The following RBM47 variants were observed in gnomAD, a reference collection of about 807,000 sequenced individuals.
The protein encoded by RBM47 is RNA binding motif protein 47.
RBM47 carries 21 observed loss-of-function variants against 47.1 expected under a neutral mutation model. The observed-to-expected ratio is 0.45, with a 90% confidence interval of 0.32 to 0.64. The LOEUF (loss-of-function observed/expected upper bound fraction) is 0.64, where lower values mean the gene tolerates loss of function less well. Among genes scored for constraint, RBM47 ranks in the 30% least tolerant of loss-of-function variants. The pLI is 0.05. For missense variants in RBM47, 708 were observed against 870.9 expected (o/e 0.81, Z 2.35); for synonymous variants, 375 against 361.7 (o/e 1.04, Z -0.42).
intron 1 of RBM47, among the ~76,000 whole-genome samples, chr4:40,613,735 T>C (rs56329579): frequency 0.014 from 2,053 of 152,004 alleles, 15 homozygotes; most frequent in Middle Eastern, 0.031. Flanking sequence ...GGCAGGAGGA[T>C]TGCTTGAACC....
At chr4:40,482,202 T>C (rs937815664) in intron 2 of RBM47, among the ~76,000 whole-genome samples, 3 of 152,328 alleles carry the variant, frequency 2.0e-5, no homozygotes, top group African/African-American at 7.2e-5. Context: ...TCAGAGTCCA[T>C]GGGGAAAGCT....
intron 1 of RBM47, among the ~76,000 whole-genome samples, chr4:40,596,412 T>TGTAGCCAGATTATTTAC (rs1239543057): frequency 1.3e-5 from 2 of 152,192 alleles, no homozygotes; most frequent in Non-Finnish European, 2.9e-5. Context: ...TTGCTCTTTC[T>TGTAGCCAGATTATTTAC]GTAGCCAGAT....
At chr4:40,566,865 G>C (rs1183606670) in intron 1 of RBM47, among the ~76,000 whole-genome samples, 1 of 151,698 alleles carries the variant, frequency 6.6e-6, no homozygotes, top group East Asian at 1.9e-4. Flanking sequence ...GTATGCCTTA[G>C]CCACTCTTTA....
chr4:40,458,943 G>A (rs745649099), intron 3 of RBM47, among the ~76,000 whole-genome samples: 17 of 152,114 alleles, frequency 1.1e-4, no homozygotes, highest in African/African-American at 2.4e-4. Context: ...AGGAACCTGC[G>A]TCATCCTGTG....
chr4:40,429,979 A>G (rs1278213688), intron 6 of RBM47, among the ~76,000 whole-genome samples: 3 of 151,868 alleles, frequency 2.0e-5, no homozygotes, highest in Non-Finnish European at 2.9e-5. Context: ...CGGATCATGA[A>G]GTCAGGAGAT....
At chr4:40,528,949 A>AAAAAT (rs1553896751) in intron 2 of RBM47, among the ~76,000 whole-genome samples, 51 of 88,652 alleles carry the variant, frequency 5.8e-4, no homozygotes, top group East Asian at 2.3e-3. Context: ...TCTCAAAAAA[A>AAAAAT]AAATAAATAA....
intron 1 of RBM47, among the ~76,000 whole-genome samples, chr4:40,564,127 C>T (rs754291241): frequency 2.0e-5 from 3 of 152,106 alleles, no homozygotes; most frequent in Non-Finnish European, 4.4e-5. Context: ...AAGCATAGAC[C>T]ACAGTCTAGC....
chr4:40,477,803 C>T (rs1466339794), intron 2 of RBM47, among the ~76,000 whole-genome samples: 4 of 152,008 alleles, frequency 2.6e-5, no homozygotes, highest in Non-Finnish European at 5.9e-5. Context: ...ATTTTTCCTG[C>T]CTTGGCTTTG....
At chr4:40,445,161 C>CTAGCTA (rs201367995) in intron 3 of RBM47, among the ~76,000 whole-genome samples, 1 of 151,602 alleles carries the variant, frequency 6.6e-6, no homozygotes. Flanking sequence ...GTAGTCCCAG[C>CTAGCTA]CACAGGGGAG....
intron 3 of RBM47, among the ~76,000 whole-genome samples, chr4:40,464,584 G>C (rs192119420): frequency 6.6e-6 from 1 of 151,960 alleles, no homozygotes; most frequent in African/African-American, 2.4e-5. Context: ...ACTGCAGATG[G>C]GGGCTGACTA....
chr4:40,437,119 T>TATATATTAC (rs1560357426), intron 4 of RBM47, among the ~76,000 whole-genome samples: 12 of 72,726 alleles, frequency 1.7e-4, no homozygotes, highest in African/African-American at 1.1e-3. Flanking sequence ...ATAAAATACA[T>TATATATTAC]ATATATATAT....
intron 3 of RBM47, among the ~76,000 whole-genome samples, chr4:40,464,703 C>T (rs553164089): frequency 6.6e-5 from 10 of 151,092 alleles, no homozygotes; most frequent in Non-Finnish European, 8.8e-5. Flanking sequence ...ATCGAGACCA[C>T]GGTGAAACCC....
At chr4:40,565,233 C>A (rs535290106) in intron 1 of RBM47, among the ~76,000 whole-genome samples, 2 of 152,148 alleles carry the variant, frequency 1.3e-5, no homozygotes, top group Non-Finnish European at 2.9e-5. Context: ...TCTGAACTCC[C>A]CCAGTGATGT....
intron 2 of RBM47, among the ~76,000 whole-genome samples, chr4:40,523,700 CA>C (rs1346301224): frequency 6.6e-6 from 1 of 150,398 alleles, no homozygotes; most frequent in African/African-American, 2.4e-5. Flanking sequence ...CTTGTCTCTA[CA>C]AAAAATACCA....
intron 1 of RBM47, among the ~76,000 whole-genome samples, chr4:40,587,299 T>G (rs1733685291): frequency 1.3e-5 from 2 of 151,912 alleles, no homozygotes; most frequent in African/African-American, 2.4e-5. Context: ...CAGGAGAGCA[T>G]ATTAAGGGGC....
chr4:40,624,490 T>G (rs1737549662), intron 1 of RBM47, among the ~76,000 whole-genome samples: 1 of 152,188 alleles, frequency 6.6e-6, no homozygotes. Flanking sequence ...CCTTTTATAA[T>G]CTAACTAAAT....
intron 1 of RBM47, among the ~76,000 whole-genome samples, chr4:40,578,674 GTTA>G (rs1338860306): frequency 6.6e-6 from 1 of 152,108 alleles, no homozygotes; most frequent in African/African-American, 2.4e-5. Flanking sequence ...AACTTCTAGA[GTTA>G]TTATGTTACC....
At chr4:40,465,698 A>ATC (rs1717910737) in intron 3 of RBM47, among the ~76,000 whole-genome samples, 2 of 151,294 alleles carry the variant, frequency 1.3e-5, no homozygotes, top group South Asian at 4.2e-4. Flanking sequence ...AAAAAGAGAG[A>ATC]TCTTGGCTCA....
intron 5 of RBM47, among the ~76,000 whole-genome samples, chr4:40,435,775 C>T (rs990010116): frequency 3.0e-4 from 46 of 151,946 alleles, no homozygotes; most frequent in Admixed American, 2.8e-3. Context: ...ATACAGAGAG[C>T]CTCATGTTCT....
Sources: allele counts gnomAD v4.1 joint callset (sites outside exome capture counted in the v4.1 genomes callset), GRCh38; gene constraint gnomAD v4.1.1; transcripts MANE v1.5; gene names NCBI Gene and HGNC (gene_info 2026-07-23, HGNC 2026-07-21).